The following ZNF562 variants were observed in gnomAD, a reference collection of about 807,000 sequenced individuals.
ZNF562 encodes zinc finger protein 562.
A neutral mutation model predicts 17.5 loss-of-function variants in ZNF562; 13 were observed. The observed-to-expected ratio is 0.74, with a 90% confidence interval of 0.48 to 1.18. The LOEUF (loss-of-function observed/expected upper bound fraction) is 1.18, where lower values mean the gene tolerates loss of function less well. Among genes scored for constraint, ZNF562 ranks in the 50% most tolerant of loss-of-function variants. The pLI, the probability that ZNF562 is intolerant of heterozygous loss-of-function variation, is 0.00. For missense variants in ZNF562, 481 were observed against 498.5 expected, an observed-to-expected ratio of 0.96 and a Z score of 0.33; for synonymous variants, 163 against 165.4, an observed-to-expected ratio of 0.99 and a Z score of 0.11.
At chr19:9,669,719 C>A (rs771162309) in intron 1 of ZNF562, among the ~76,000 whole-genome samples, 1 of 90,006 alleles carries the variant, frequency 1.1e-5, no homozygotes, top group Non-Finnish European at 2.3e-5. Flanking sequence ...CGCGCGCGAG[C>A]GCGCGCGCGC....
chr19:9,659,610 G>T, intron 2 of ZNF562, 143 bp from the exon 3 acceptor site: 1 of 1,077,358 alleles, frequency 9.3e-7, no homozygotes, highest in Non-Finnish European at 1.3e-6. Context: ...ATGAAATGCC[G>T]TAGTAGTCCT....
chr19:9,664,120 G>A (rs2043858681), intron 1 of ZNF562, among the ~76,000 whole-genome samples: 1 of 152,080 alleles, frequency 6.6e-6, no homozygotes, highest in East Asian at 1.9e-4. Context: ...CCAGCCAGGA[G>A]TGCAATGGCA....
chr19:9,669,756 ACACACACACACACAC>A (rs2044106605), intron 1 of ZNF562, among the ~76,000 whole-genome samples: 1 of 150,504 alleles, frequency 6.6e-6, no homozygotes, highest in Non-Finnish European at 1.5e-5. Flanking sequence ...ACACACACAC[ACACACACACACACAC>A]ACACAACCAG....
rs2074790884 is a variant in ZNF562 at position 9,644,076 on chromosome 19, T to C, written c.*8873A>G. On this transcript the variant is annotated 3_prime_UTR_variant, in exon 6 of 6. Coordinates refer to ENST00000453372, the MANE Select transcript of ZNF562 (RefSeq NM_001130031.2). ...CCAAAGTGCTGGGATTACAGGCATGTGAGCCACCGTACCTGGCTTACTTAG... is the reference window on the plus strand; with the variant it reads ...CCAAAGTGCTGGGATTACAGGCATGCGAGCCACCGTACCTGGCTTACTTAG... 1 of 152,114 alleles carries C rather than the reference T, an allele frequency of 6.6e-6. No individual in the cohort carries two copies. Among genetic ancestry groups the C allele is most frequent in the African/African-American group, 2.4e-5 (1 of 41,418 alleles). The allele number at this position is 152,114 out of a possible 1,614,324, so 9.4% of individuals were successfully genotyped here. A position where few individuals can be genotyped will look rare whatever the true frequency, so the allele number is the denominator to read the frequency against.
rs2074802271 is a variant in ZNF562 at position 9,645,824 on chromosome 19, TA to T, written c.*7124del. On this transcript the variant is annotated 3_prime_UTR_variant, in exon 6 of 6. Transcript: ENST00000453372. ...GCACTTAGTTAGAAAGAAAAGGTAT[TA>T]AGGAAGACTTATATTTAAAATTGTT... The T allele has an allele frequency of 6.6e-6, 1 of 152,190 alleles. No individual in the cohort carries two copies. Among genetic ancestry groups the T allele is most frequent in the African/African-American group, 2.4e-5 (1 of 41,446 alleles). 9.4% of individuals were successfully genotyped at this position (152,190 alleles called of 1,614,324 possible). A position where few individuals can be genotyped will look rare whatever the true frequency, so the allele number is the denominator to read the frequency against.
Position 9,652,755 on chromosome 19 carries a change from T to C in ZNF562, c.*194A>G, listed in dbSNP as rs755453800. 24 of 474,540 alleles carry C rather than the reference T, an allele frequency of 5.1e-5. No individual in the cohort carries two copies. The highest frequency in any genetic ancestry group is 8.2e-5 in the Non-Finnish European group (23 of 280,992). The allele number at this position is 474,540 out of a possible 1,614,324, so 29.4% of individuals were successfully genotyped here. Reference sequence around the variant, plus strand: ...GCCAATAATTAAAGATGGCAACCAATGGGCTAAATGGTAACAACACTCATA... The same window carrying C: ...GCCAATAATTAAAGATGGCAACCAACGGGCTAAATGGTAACAACACTCATA... On this transcript the variant is annotated 3_prime_UTR_variant, in exon 6 of 6. Transcript: ENST00000453372.
At chr19:9,662,233 T>C (rs549606902) in intron 1 of ZNF562, among the ~76,000 whole-genome samples, 1 of 152,308 alleles carries the variant, frequency 6.6e-6, no homozygotes, top group East Asian at 1.9e-4. Flanking sequence ...CGTGTGTTAT[T>C]GATAACTTCA....
intron 1 of ZNF562, among the ~76,000 whole-genome samples, chr19:9,671,176 G>A (rs1336995330): frequency 6.6e-6 from 1 of 152,112 alleles, no homozygotes; most frequent in African/African-American, 2.4e-5. Flanking sequence ...TATTTAAGGT[G>A]ACAGGTATGC....
chr19:9,671,475 C>CA lies in ZNF562; in HGVS notation c.-131+3539dup, dbSNP rs199843384. Among the ~76,000 whole-genome samples the CA allele has an allele frequency of 2.9e-3, 442 of 151,718 alleles. 4 individuals carry two copies. Among genetic ancestry groups the CA allele is most frequent in the Admixed American group, 0.018 (277 of 15,252 alleles). On this transcript the variant is annotated intron_variant, in intron 1 of 5. Transcript: ENST00000453372. ...TGGGTGATCCAGCAAGACTTTGTCT[C>CA]AAAAAAAGAAAAAAAACCCAGCATG...
In ZNF562 at chr19:9,659,371, C is replaced by G. The variant is rs1290247331; in HGVS notation, c.114+8G>C. The G allele has an allele frequency of 1.3e-6, 2 of 1,549,578 alleles. No individual in the cohort carries two copies. Among genetic ancestry groups the G allele is most frequent in the Non-Finnish European group, 1.7e-6 (2 of 1,145,452 alleles). On this transcript the variant is annotated splice_region_variant and intron_variant, in intron 3 of 5. Transcript: ENST00000453372. ...GTCATTTTGTACAACGGTACATTTT[C>G]TGTTTACCTGGTAAGAATTTGACCG...
chr19:9,655,472 A>C (rs1375528914), intron 5 of ZNF562, among the ~76,000 whole-genome samples: 1 of 151,934 alleles, frequency 6.6e-6, no homozygotes. Flanking sequence ...TTCTCTCTCA[A>C]GTATCTCTCA....
chr19:9,653,891 G>T lies in ZNF562; in HGVS notation c.349-10C>A, dbSNP rs1270292065. The T allele has an allele frequency of 6.6e-7, 1 of 1,518,150 alleles. No homozygotes were observed. Among genetic ancestry groups the T allele is most frequent in the Middle Eastern group, 1.8e-4 (1 of 5,630 alleles). The allele number at this position is 1,518,150 out of a possible 1,614,324, so 94.0% of individuals were successfully genotyped here. Reference sequence around the variant, plus strand: ...TGTAGCTTCTTGTCTGCTGATGAGGGGATAAAGGATTTAAAATGTTTTCAG... The same window carrying T: ...TGTAGCTTCTTGTCTGCTGATGAGGTGATAAAGGATTTAAAATGTTTTCAG... On this transcript the variant is annotated splice_polypyrimidine_tract_variant and intron_variant, in intron 5 of 5. Transcript: ENST00000453372.
At position 9,651,238 on chromosome 19, in the gene ZNF562, G is replaced by C. The variant is rs1370300664; in HGVS notation, c.*1711C>G. ...AGGGTTATTCTGGTGAGGTGTCATT[G>C]GGGAATGAGGAACATGCTATTGGGA... On this transcript the variant is annotated 3_prime_UTR_variant, in exon 6 of 6. Coordinates refer to ENST00000453372, the MANE Select transcript of ZNF562 (RefSeq NM_001130031.2). 4 of 152,162 alleles carry C rather than the reference G, an allele frequency of 2.6e-5. No individual in the cohort carries two copies. The highest frequency in any genetic ancestry group is 5.9e-5 in the Non-Finnish European group (4 of 68,046). 9.4% of individuals were successfully genotyped at this position (152,162 alleles called of 1,614,324 possible). A position where few individuals can be genotyped will look rare whatever the true frequency, so the allele number is the denominator to read the frequency against.
rs562209501 is a variant in ZNF562 at position 9,652,020 on chromosome 19, A to C, written c.*929T>G. On this transcript the variant is annotated 3_prime_UTR_variant, in exon 6 of 6. Coordinates refer to ENST00000453372, the MANE Select transcript of ZNF562 (RefSeq NM_001130031.2). ...TGGAGATTTGGAAAATTCTCAGCCT[A>C]TCCATACTGCAAAAATTAGAAAACT... 6.6e-6 allele frequency: 1 copy of C among 152,372 alleles called. No individual in the cohort carries two copies. Among genetic ancestry groups the C allele is most frequent in the South Asian group, 2.1e-4 (1 of 4,832 alleles). 9.4% of individuals were successfully genotyped at this position (152,372 alleles called of 1,614,324 possible). A position where few individuals can be genotyped will look rare whatever the true frequency, so the allele number is the denominator to read the frequency against.
At position 9,652,705 on chromosome 19, in the gene ZNF562, G is replaced by T. The variant is rs565425182; in HGVS notation, c.*244C>A. On this transcript the variant is annotated 3_prime_UTR_variant, in exon 6 of 6. Coordinates refer to ENST00000453372, the MANE Select transcript of ZNF562 (RefSeq NM_001130031.2). The stretch of plus-strand genomic sequence containing the variant: ...CATTACAACCTCCAAAAGGCATTTA[G>T]GACTAATCTGATGATCTTTGCACTG... 2 of 341,724 alleles carry T rather than the reference G, an allele frequency of 5.9e-6. No individual in the cohort carries two copies. Among genetic ancestry groups the T allele is most frequent in the South Asian group, 1.7e-4 (2 of 11,658 alleles). The allele number at this position is 341,724 out of a possible 1,614,324, so 21.2% of individuals were successfully genotyped here.
chr19:9,646,237 A>G lies in ZNF562; in HGVS notation c.*6712T>C, dbSNP rs1027493380. ...CAGGCATGCACCACTAGGCACAGCTAATTTTGTATTTTTAGTAGAGATGGG... is the reference window on the plus strand; with the variant it reads ...CAGGCATGCACCACTAGGCACAGCTGATTTTGTATTTTTAGTAGAGATGGG... On this transcript the variant is annotated 3_prime_UTR_variant, in exon 6 of 6. Coordinates refer to ENST00000453372, the MANE Select transcript of ZNF562 (RefSeq NM_001130031.2). 1 of 151,788 alleles carries G rather than the reference A, an allele frequency of 6.6e-6. No homozygotes were observed. The highest frequency in any genetic ancestry group is 1.5e-5 in the Non-Finnish European group (1 of 67,964). 9.4% of individuals were successfully genotyped at this position (151,788 alleles called of 1,614,324 possible).
intron 1 of ZNF562, among the ~76,000 whole-genome samples, chr19:9,662,301 C>A (rs11672807): frequency 6.6e-6 from 1 of 152,036 alleles, no homozygotes; most frequent in African/African-American, 2.4e-5. Context: ...TGGCCAGGCG[C>A]GGTGGCTCAC....
intron 4 of ZNF562, among the ~76,000 whole-genome samples, chr19:9,657,419 A>G (rs12983341): frequency 1.3e-5 from 2 of 151,318 alleles, no homozygotes; most frequent in African/African-American, 4.9e-5. Flanking sequence ...AAAAAACCAA[A>G]AGCAAAACAA....
At chr19:9,674,981 G>T (rs2044355535) in intron 1 of ZNF562, 34 bp downstream of exon 1, 1 of 152,482 alleles carries the variant, frequency 6.6e-6, no homozygotes, top group Admixed American at 6.6e-5. Flanking sequence ...CGCCCCGCTG[G>T]TATGTCCCGG....
Sources: allele counts gnomAD v4.1 joint callset (sites outside exome capture counted in the v4.1 genomes callset), GRCh38; gene constraint gnomAD v4.1.1; transcripts MANE v1.5; gene names NCBI Gene and HGNC (gene_info 2026-07-23, HGNC 2026-07-21).